Variants in SPRED2 observed in about 807,000 individuals in gnomAD.
The protein encoded by SPRED2 is sprouty related EVH1 domain containing 2.
In SPRED2, 47 loss-of-function variants were observed where a neutral mutation model predicts 43.0. The observed-to-expected ratio is 1.09, with a 90% CI of 0.87 to 1.40. The LOEUF is 1.40. Among genes scored for constraint, SPRED2 ranks in the 40% most tolerant of loss-of-function variants. SPRED2 has a pLI of 0.00. For synonymous variants in SPRED2, 225 were observed against 225.7 expected (o/e 1.00, Z 0.03); for missense variants, 561 against 586.4 (o/e 0.96, Z 0.45).
At chr2:65,398,817 T>C (rs1442740687) in intron 1 of SPRED2, among the ~76,000 whole-genome samples, 1 of 152,208 alleles carries the variant, frequency 6.6e-6, no homozygotes, top group Non-Finnish European at 1.5e-5. Flanking sequence ...TGGAGATTCC[T>C]TAAAGAACTA....
intron 1 of SPRED2, among the ~76,000 whole-genome samples, chr2:65,428,961 G>A (rs1676616347): frequency 6.6e-6 from 1 of 152,140 alleles, no homozygotes; most frequent in East Asian, 1.9e-4. Context: ...TTAAAAGTCT[G>A]TATAATTGTA....
At chr2:65,372,446 G>A (rs1224188383) in intron 1 of SPRED2, among the ~76,000 whole-genome samples, 1 of 152,218 alleles carries the variant, frequency 6.6e-6, no homozygotes, top group Non-Finnish European at 1.5e-5. Flanking sequence ...AATGAAAAGG[G>A]AATGGTTGCG....
In SPRED2 at chr2:65,313,485, AGG is replaced by A. The variant is rs1438688798; in HGVS notation, c.*14_*15del. 1.3e-6 allele frequency: 2 copies of A among 1,583,772 alleles called. No individual in the cohort carries two copies. The highest frequency in any genetic ancestry group is 2.7e-5 in the African/African-American group (2 of 74,232). ...CCCTGTGGCTGCGGATGGAGGGAGA[AGG>A]GAGGGAAACTGAGTCACGCGGCCGC... On this transcript the variant is annotated 3_prime_UTR_variant, in exon 6 of 6. Transcript: ENST00000356388.
chr2:65,377,671 T>C (rs769784070), intron 1 of SPRED2: 8 of 471,150 alleles, frequency 1.7e-5, no homozygotes, highest in Non-Finnish European at 3.1e-5. Flanking sequence ...GAGATAAGAC[T>C]GCATAGAGCC....
At chr2:65,370,645 T>A (rs1675101285) in intron 1 of SPRED2, among the ~76,000 whole-genome samples, 1 of 151,940 alleles carries the variant, frequency 6.6e-6, no homozygotes, top group African/African-American at 2.4e-5. Context: ...GATACAAGAG[T>A]GTTATTTATA....
At position 65,313,337 on chromosome 2, in the gene SPRED2, G is replaced by C. The variant is rs549497409; in HGVS notation, c.*164C>G. The C allele has an allele frequency of 1.1e-5, 16 of 1,465,978 alleles. No individual in the cohort carries two copies. The highest frequency in any genetic ancestry group is 5.6e-5 in the African/African-American group (4 of 70,826). The allele number at this position is 1,465,978 out of a possible 1,614,324, so 90.8% of individuals were successfully genotyped here. Reference sequence around the variant, plus strand: ...GGCAGGGGGAGTGGAGAGTCTACCCGGCAGCGTCCCTGGCTGGAATGGTGC... The same window carrying C: ...GGCAGGGGGAGTGGAGAGTCTACCCCGCAGCGTCCCTGGCTGGAATGGTGC... On this transcript the variant is annotated 3_prime_UTR_variant, in exon 6 of 6. Transcript: ENST00000356388.
intron 2 of SPRED2, chr2:65,344,136 CAAAAA>C (rs147613284): frequency 2.3e-4 from 17 of 73,404 alleles, no homozygotes; most frequent in Admixed American, 1.1e-3. Context: ...GACTCCGTCT[CAAAAA>C]AAAAAAAAAA....
intron 1 of SPRED2, among the ~76,000 whole-genome samples, chr2:65,406,931 CTT>C (rs571460201): frequency 1.7e-4 from 24 of 143,758 alleles, no homozygotes; most frequent in East Asian, 4.0e-4. Context: ...TTTAGTCTCT[CTT>C]TTTTTTTTTT....
At chr2:65,319,220 A>G (rs1325770196) in intron 4 of SPRED2, among the ~76,000 whole-genome samples, 1 of 152,180 alleles carries the variant, frequency 6.6e-6, no homozygotes, top group Non-Finnish European at 1.5e-5. Context: ...GGTTTGGTCT[A>G]TGCCATGCAT....
At chr2:65,338,112 G>T (rs907060034) in intron 2 of SPRED2, among the ~76,000 whole-genome samples, 2 of 151,972 alleles carry the variant, frequency 1.3e-5, no homozygotes, top group African/African-American at 4.8e-5. Flanking sequence ...AATCAGGGAT[G>T]AGTAAGAGAT....
At position 65,313,941 on chromosome 2, in the gene SPRED2, C is replaced by T. The variant is rs1673155233; in HGVS notation, c.817G>A (p.Asp273Asn). The change falls in exon 6 of 6, where the codon GAC becomes AAC. Residue 273 changes from aspartate (D) to asparagine (N), a missense_variant. By Grantham distance (23) the Asp-to-Asn change is conservative (BLOSUM62 1). Around this residue, in one of 6 missense-constraint regions of SPRED2, gnomAD observed 164 missense variants for 164.1 expected, o/e 1.00. Coordinates refer to ENST00000356388, the MANE Select transcript of SPRED2 (RefSeq NM_181784.3). The stretch of plus-strand genomic sequence containing the variant: ...TTGGGGTCCTCGCCTAGGCCAAAGT[C>T]TGAGGAGTCCACGTAGGGGTAGTTG... ...DYNYPYVDSS[D>N]FGLGEDPKGR... 6.2e-7 allele frequency: 1 copy of T among 1,611,666 alleles called. No individual in the cohort carries two copies. Among genetic ancestry groups the T allele is most frequent in the African/African-American group, 1.3e-5 (1 of 74,954 alleles).
At chr2:65,429,365 G>C (rs1676626542) in intron 1 of SPRED2, among the ~76,000 whole-genome samples, 1 of 152,102 alleles carries the variant, frequency 6.6e-6, no homozygotes, top group African/African-American at 2.4e-5. Context: ...TGGTTCCAAA[G>C]GTATCTGAGA....
At chr2:65,372,883 C>T (rs1284451687) in intron 1 of SPRED2, among the ~76,000 whole-genome samples, 1 of 152,170 alleles carries the variant, frequency 6.6e-6, no homozygotes, top group Non-Finnish European at 1.5e-5. Context: ...CAGAATTAGA[C>T]CTGAAGCTGC....
Position 65,430,521 on chromosome 2 carries a change from A to G in SPRED2, c.26+1441T>C, listed in dbSNP as rs559781711. Among the ~76,000 whole-genome samples, 5 of 152,368 alleles carry G rather than the reference A, an allele frequency of 3.3e-5. No homozygotes were observed. The South Asian group carries it at 1.0e-3, about 32-fold the overall frequency. On this transcript the variant is annotated intron_variant, in intron 1 of 5. Coordinates refer to ENST00000356388, the MANE Select transcript of SPRED2 (RefSeq NM_181784.3). ...GAGTAGATTTCCTAGAGTAGGGCAC[A>G]GCACTGTCACCTGCTGCAAGAGACA...
intron 1 of SPRED2, among the ~76,000 whole-genome samples, chr2:65,429,552 C>A (rs1455454039): frequency 1.3e-5 from 2 of 152,222 alleles, no homozygotes; most frequent in Non-Finnish European, 2.9e-5. Context: ...ACAGCAAGCT[C>A]TGTAATTCAG....
intron 1 of SPRED2, among the ~76,000 whole-genome samples, chr2:65,425,574 CCTGA>C (rs1273992135): frequency 1.3e-5 from 2 of 152,180 alleles, no homozygotes; most frequent in African/African-American, 2.4e-5. Flanking sequence ...ATGATCCTGG[CCTGA>C]CTTTCTTTCC....
At chr2:65,412,703 A>G (rs1676190679) in intron 1 of SPRED2, among the ~76,000 whole-genome samples, 2 of 152,300 alleles carry the variant, frequency 1.3e-5, no homozygotes, top group South Asian at 4.1e-4. Flanking sequence ...TGAGATCAGT[A>G]TGAGAATACA....
chr2:65,378,998 C>T (rs1675309063), intron 1 of SPRED2, among the ~76,000 whole-genome samples: 1 of 152,102 alleles, frequency 6.6e-6, no homozygotes, highest in Admixed American at 6.5e-5. Context: ...TCCTGGGACC[C>T]CCTTGGCCTG....
rs371274316 is a variant in SPRED2, at chr2:65,361,269, T to C, written c.27-16373A>G. ...GAAGATCTTATGCTTCAAATGTAAG[T>C]GTAAATGTTGGCTTTGCTTTGTTCC... is the stretch of plus-strand genomic sequence containing the variant. On this transcript the variant is annotated intron_variant, in intron 1 of 5. Transcript: ENST00000356388. Among the ~76,000 whole-genome samples, 8 of 152,360 alleles carry C rather than the reference T, an allele frequency of 5.3e-5. No homozygotes were observed. The East Asian group carries it at 1.5e-3, about 29-fold the overall frequency.
Sources: gnomAD v4.1 joint callset for allele counts (sites outside exome capture counted in the v4.1 genomes callset) on GRCh38, gnomAD v4.1.1 for gene constraint, gnomAD v4.1.1 regional missense constraint, MANE v1.5 for transcripts, NCBI Gene and HGNC (gene_info 2026-07-23, HGNC 2026-07-21) for gene names.